GALNT10: variants seen among roughly 807,000 people sequenced by gnomAD.
GALNT10 encodes polypeptide N-acetylgalactosaminyltransferase 10.
Under a neutral mutation model 75.0 loss-of-function variants are expected in GALNT10, and 41 were observed. The observed-to-expected ratio is 0.55, with a 90% CI of 0.43 to 0.71. The LOEUF is 0.71. GALNT10 is among the 30% of genes least tolerant of loss of function. The probability of loss-of-function intolerance (pLI) is 0.00; values close to 1 mark genes in which losing one functional copy is unlikely to be tolerated. For synonymous variants in GALNT10, 302 were observed against 313.0 expected (o/e 0.96, Z 0.37); for missense variants, 727 against 818.5 (o/e 0.89, Z 1.36).
chr5:154,194,219 C>T (rs1350680454), intron 1 of GALNT10, among the ~76,000 whole-genome samples: 1 of 152,208 alleles, frequency 6.6e-6, no homozygotes, highest in Admixed American at 6.5e-5. Context: ...ATACCGGTGA[C>T]TTTAATTTTC....
At chr5:154,367,409 G>A (rs910248135) in intron 4 of GALNT10, among the ~76,000 whole-genome samples, 9 of 152,146 alleles carry the variant, frequency 5.9e-5, no homozygotes, top group African/African-American at 1.9e-4. Flanking sequence ...GTGAGAGGAC[G>A]GAAACAGAGC....
At chr5:154,262,295 G>A (rs952814212) in intron 1 of GALNT10, among the ~76,000 whole-genome samples, 4 of 152,152 alleles carry the variant, frequency 2.6e-5, no homozygotes, top group African/African-American at 7.2e-5. Flanking sequence ...GCTAGGTCAC[G>A]GGACCCCTCC....
intron 3 of GALNT10, among the ~76,000 whole-genome samples, chr5:154,328,970 A>C (rs1754800487): frequency 6.6e-6 from 1 of 152,042 alleles, no homozygotes; most frequent in South Asian, 2.1e-4. Flanking sequence ...TTCCTGGAGG[A>C]TGGTGGGTTG....
chr5:154,192,957 C>G lies in GALNT10; in HGVS notation c.159+1932C>G, dbSNP rs1161760301. Among the ~76,000 whole-genome samples, 8 of 152,278 alleles carry G rather than the reference C, an allele frequency of 5.3e-5. 1 individual carries two copies. The East Asian group carries it at 1.3e-3, about 26-fold the overall frequency. ...TGGCCTGAGCTTTCAAAGTAAATTA[C>G]TCACTTGTGCAAGAGGGTATTGATA... On this transcript the variant is annotated intron_variant, in intron 1 of 11. Transcript: ENST00000297107.
At chr5:154,192,346 G>GTTA (rs1774870763) in intron 1 of GALNT10, among the ~76,000 whole-genome samples, 4 of 152,344 alleles carry the variant, frequency 2.6e-5, no homozygotes, top group African/African-American at 9.6e-5. Flanking sequence ...TAGAAACTAA[G>GTTA]GTTTCCATCT....
chr5:154,303,772 A>G (rs1754393703), intron 3 of GALNT10, among the ~76,000 whole-genome samples: 1 of 152,230 alleles, frequency 6.6e-6, no homozygotes, highest in African/African-American at 2.4e-5. Flanking sequence ...ACTTACATCA[A>G]TACATAAATA....
intron 3 of GALNT10, chr5:154,329,366 C>T (rs1045333698): frequency 3.5e-6 from 2 of 567,770 alleles, no homozygotes; most frequent in South Asian, 4.6e-5. Flanking sequence ...TACATATCCG[C>T]GTGTGCTGTA....
chr5:154,266,053 G>C (rs1753770749), intron 1 of GALNT10, among the ~76,000 whole-genome samples: 1 of 152,102 alleles, frequency 6.6e-6, no homozygotes, highest in African/African-American at 2.4e-5. Context: ...TGTATAGAAT[G>C]TTTATTGAAA....
chr5:154,376,379 G>T lies in GALNT10; in HGVS notation c.671G>T (p.Gly224Val). The T allele has an allele frequency of 6.2e-7, 1 of 1,608,798 alleles. No homozygotes were observed. Among genetic ancestry groups the T allele is most frequent in the Non-Finnish European group, 8.5e-7 (1 of 1,177,906 alleles). Residue 224 changes from glycine (G) to valine (V), a missense_variant, in exon 5 of 12, where the codon GGG becomes GTG. Transcript: ENST00000297107. This position sits in a 1 kb window ranked among gnomAD's most constrained non-coding sequence, Gnocchi z 4.1. ...REGLIRTRML[G>V]ASVATGDVIT... ...GGGCTGATAAGGACCCGAATGCTGG[G>T]GGCCTCAGTGGCAACTGGGGATGTC...
chr5:154,341,322 G>C (rs1297131518), intron 4 of GALNT10, among the ~76,000 whole-genome samples: 1 of 152,148 alleles, frequency 6.6e-6, no homozygotes, highest in African/African-American at 2.4e-5. Context: ...CTTCAGAGAT[G>C]CCCACCTTAT....
chr5:154,412,843 C>T lies in GALNT10; in HGVS notation c.1387-46C>T, dbSNP rs375800567. The T allele has an allele frequency of 4.4e-6, 6 of 1,368,156 alleles. No individual in the cohort carries two copies. Among genetic ancestry groups the T allele is most frequent in the Admixed American group, 1.7e-5 (1 of 59,722 alleles). 84.8% of individuals were successfully genotyped at this position (1,368,156 alleles called of 1,614,324 possible). A position where few individuals can be genotyped will look rare whatever the true frequency, so the allele number is the denominator to read the frequency against. ...TCACCTGGCAGGGACCCGGTGGGCA[C>T]CTTAAGGCACCTCAGTGGTCCACTT... On this transcript the variant is annotated intron_variant, in intron 9 of 11. Coordinates refer to ENST00000297107, the MANE Select transcript of GALNT10 (RefSeq NM_198321.4). This position sits in a 1 kb window ranked among gnomAD's most constrained non-coding sequence, Gnocchi z 4.2.
At chr5:154,196,603 G>A (rs149749079) in intron 1 of GALNT10, among the ~76,000 whole-genome samples, 133 of 151,890 alleles carry the variant, frequency 8.8e-4, no homozygotes, top group African/African-American at 3.1e-3. Flanking sequence ...AATGGTAATA[G>A]CTCTTTCAGA....
chr5:154,255,841 C>A (rs898683954), intron 1 of GALNT10, among the ~76,000 whole-genome samples: 1 of 150,576 alleles, frequency 6.6e-6, no homozygotes, highest in East Asian at 2.0e-4. Flanking sequence ...CCCTTCCCTC[C>A]CCTCCCCTCC....
At chr5:154,250,333 C>T (rs1282694508) in intron 1 of GALNT10, among the ~76,000 whole-genome samples, 1 of 152,056 alleles carries the variant, frequency 6.6e-6, no homozygotes, top group African/African-American at 2.4e-5. Context: ...TCGATAAAGC[C>T]CATGCATCAT....
chr5:154,247,065 G>A (rs1332410337), intron 1 of GALNT10, among the ~76,000 whole-genome samples: 2 of 152,170 alleles, frequency 1.3e-5, no homozygotes, highest in Non-Finnish European at 2.9e-5. Context: ...ATTAAATAGG[G>A]AATGCTTTCC....
chr5:154,196,647 G>T (rs1334315594), intron 1 of GALNT10, among the ~76,000 whole-genome samples: 12 of 152,182 alleles, frequency 7.9e-5, no homozygotes, highest in Non-Finnish European at 1.3e-4. Context: ...AGAGGAGAGG[G>T]TCTGTCTCCT....
chr5:154,237,007 C>T (rs1753257822), intron 1 of GALNT10, among the ~76,000 whole-genome samples: 1 of 152,168 alleles, frequency 6.6e-6, no homozygotes, highest in African/African-American at 2.4e-5. Flanking sequence ...AAACCATTTT[C>T]CATATGGATG....
intron 3 of GALNT10, among the ~76,000 whole-genome samples, chr5:154,300,861 GC>G (rs1754346932): frequency 6.6e-6 from 1 of 152,182 alleles, no homozygotes; most frequent in South Asian, 2.1e-4. Context: ...AGCTAGGAAG[GC>G]CTTCCGGAGG....
At chr5:154,318,832 G>A (rs1007530609) in intron 3 of GALNT10, among the ~76,000 whole-genome samples, 2 of 152,186 alleles carry the variant, frequency 1.3e-5, no homozygotes, top group Admixed American at 6.5e-5. Context: ...CCAATTGTGT[G>A]TCTTTGTCCC....
Sources: gnomAD v4.1 joint callset for allele counts (sites outside exome capture counted in the v4.1 genomes callset) on GRCh38, gnomAD v4.1.1 for gene constraint, Gnocchi (gnomAD v3.1) non-coding constraint, MANE v1.5 for transcripts, NCBI Gene and HGNC (gene_info 2026-07-23, HGNC 2026-07-21) for gene names.